Variants in LRIG1 observed in about 807,000 individuals in gnomAD.
The protein encoded by LRIG1 is leucine rich repeats and immunoglobulin like domains 1.
LRIG1 carries 48 observed loss-of-function variants against 99.2 expected under a neutral mutation model. The ratio of observed to expected loss-of-function variants is 0.48; its 90% CI spans 0.38 to 0.62. LRIG1 has a LOEUF of 0.62. Ranked by LOEUF, LRIG1 falls within the 20% of genes least tolerant of loss-of-function variation. LRIG1 has a pLI of 0.00. For synonymous variants in LRIG1, 772 were observed against 596.1 expected (o/e 1.29, Z -4.30); for missense variants, 1,646 against 1,434.4 (o/e 1.15, Z -2.38).
intron 3 of LRIG1, among the ~76,000 whole-genome samples, chr3:66,418,243 C>G (rs994245580): frequency 3.9e-5 from 6 of 152,144 alleles, no homozygotes; most frequent in Non-Finnish European, 8.8e-5. Flanking sequence ...AGGCACGTGC[C>G]ACCACACCCA....
In LRIG1 at chr3:66,379,826, C is replaced by G. The variant is rs185349549; in HGVS notation, c.*437G>C. 6.0e-6 allele frequency: 1 copy of G among 165,588 alleles called. No individual in the cohort carries two copies. The highest frequency in any genetic ancestry group is 1.3e-5 in the Non-Finnish European group (1 of 75,920). 10.3% of individuals were successfully genotyped at this position (165,588 alleles called of 1,614,324 possible). ...TCCAAGGCCTTCCATCCTTCCCACCCCGCACCAAAAACTCCTGTGAACAAA... is the reference window on the plus strand; with the variant it reads ...TCCAAGGCCTTCCATCCTTCCCACCGCGCACCAAAAACTCCTGTGAACAAA... On this transcript the variant is annotated 3_prime_UTR_variant, in exon 19 of 19. Coordinates refer to ENST00000273261, the MANE Select transcript of LRIG1 (RefSeq NM_015541.3).
Position 66,386,122 on chromosome 3 carries a change from C to A in LRIG1, c.1648G>T (p.Ala550Ser). Residue 550 changes from alanine (A) to serine (S), a missense_variant, in exon 13 of 19, where the codon GCG becomes TCG. By Grantham distance (99) the Ala-to-Ser change is moderately conservative (BLOSUM62 1). Transcript: ENST00000273261. ...ADMENFVHVH[A>S]QDGEVMEYTT... Reference sequence around the variant, plus strand: ...TACTCCATCACTTCCCCGTCCTGCGCGTGGACGTGGACAAAGTTCTCCATG... The same window carrying A: ...TACTCCATCACTTCCCCGTCCTGCGAGTGGACGTGGACAAAGTTCTCCATG... The A allele has an allele frequency of 6.2e-7, 1 of 1,614,078 alleles. No individual in the cohort carries two copies. Among genetic ancestry groups the A allele is most frequent in the Non-Finnish European group, 8.5e-7 (1 of 1,180,024 alleles).
At chr3:66,485,476 CT>C (rs1700951108) in intron 1 of LRIG1, among the ~76,000 whole-genome samples, 1 of 152,212 alleles carries the variant, frequency 6.6e-6, no homozygotes, top group Non-Finnish European at 1.5e-5. Flanking sequence ...TTACACAAGG[CT>C]GGACCATGAC....
At chr3:66,490,970 T>C (rs1213032769) in intron 1 of LRIG1, among the ~76,000 whole-genome samples, 1 of 152,196 alleles carries the variant, frequency 6.6e-6, no homozygotes, top group Non-Finnish European at 1.5e-5. Flanking sequence ...ACCAACAAAG[T>C]ACCGGACTGA....
rs544429353 is a variant in LRIG1, at chr3:66,407,240, A to G, written c.1079+108T>C. On this transcript the variant is annotated intron_variant, in intron 8 of 18. Coordinates refer to ENST00000273261, the MANE Select transcript of LRIG1 (RefSeq NM_015541.3). ...ATAGAGCAAGCCAGCTTTGGATCCA[A>G]TTCTGACTCGAAGCCAACGCAAATG... 1.9e-5 allele frequency: 23 copies of G among 1,222,062 alleles called. No individual in the cohort carries two copies. In the South Asian group the frequency reaches 2.5e-4, roughly 14 times the overall value. The allele number at this position is 1,222,062 out of a possible 1,614,324, so 75.7% of individuals were successfully genotyped here. A position where few individuals can be genotyped will look rare whatever the true frequency, so the allele number is the denominator to read the frequency against.
chr3:66,460,126 T>A (rs1575708075), intron 2 of LRIG1, among the ~76,000 whole-genome samples: 2 of 152,250 alleles, frequency 1.3e-5, no homozygotes, highest in African/African-American at 4.8e-5. Context: ...CCTATCTGTG[T>A]CCTGTTCACT....
intron 1 of LRIG1, among the ~76,000 whole-genome samples, chr3:66,472,565 G>A (rs1700627716): frequency 6.6e-6 from 1 of 152,130 alleles, no homozygotes; most frequent in South Asian, 2.1e-4. Flanking sequence ...TGCTATCAAA[G>A]AGCAAAATAC....
chr3:66,387,510 TTATA>T (rs1366730289), intron 12 of LRIG1: 2 of 152,148 alleles, frequency 1.3e-5, no homozygotes, highest in African/African-American at 4.8e-5. Context: ...GGGACGGACT[TTATA>T]TAGCCTTTGT....
chr3:66,431,975 C>T (rs1703187049), intron 3 of LRIG1, among the ~76,000 whole-genome samples: 2 of 152,194 alleles, frequency 1.3e-5, no homozygotes, highest in Non-Finnish European at 2.9e-5. Context: ...ATAATGGAAT[C>T]CCCACCCCAT....
intron 12 of LRIG1, among the ~76,000 whole-genome samples, chr3:66,389,092 G>A (rs888058227): frequency 2.0e-5 from 3 of 152,132 alleles, no homozygotes; most frequent in African/African-American, 7.2e-5. Flanking sequence ...TAACACAAAG[G>A]AATAAAACTG....
At chr3:66,498,415 A>G (rs1701276589) in intron 1 of LRIG1, among the ~76,000 whole-genome samples, 2 of 152,286 alleles carry the variant, frequency 1.3e-5, no homozygotes, top group East Asian at 1.9e-4. Flanking sequence ...GAAAGTGCAA[A>G]TAAGAGGACA....
chr3:66,412,949 T>G lies in LRIG1; in HGVS notation c.713A>C (p.Glu238Ala). 1 of 1,614,194 alleles carries G rather than the reference T, an allele frequency of 6.2e-7. No homozygotes were observed. The highest frequency in any genetic ancestry group is 8.5e-7 in the Non-Finnish European group (1 of 1,180,022). The part of the protein sequence containing the change: ...GLTFQGLNSL[E>A]VLKLQRNNIS... ...GTTGTTTCGCTGAAGCTTCAGCACC[T>G]CCAAGCTGTTGAGCCCCTGGAAGGT... The change falls in exon 6 of 19, where the codon GAG becomes GCG. Residue 238 changes from glutamate to alanine, a missense_variant. Coordinates refer to ENST00000273261, the MANE Select transcript of LRIG1 (RefSeq NM_015541.3).
chr3:66,483,495 G>A (rs1238762094), intron 1 of LRIG1, among the ~76,000 whole-genome samples: 4 of 152,224 alleles, frequency 2.6e-5, no homozygotes, highest in African/African-American at 9.7e-5. Context: ...GCTCCCTCTG[G>A]TCAAGGAAAG....
At chr3:66,448,460 G>A (rs554221773) in intron 3 of LRIG1, among the ~76,000 whole-genome samples, 1 of 152,350 alleles carries the variant, frequency 6.6e-6, no homozygotes, top group East Asian at 1.9e-4. Context: ...AGTGGTTATT[G>A]GTCAGAGGGT....
chr3:66,459,890 C>T (rs573075147), intron 2 of LRIG1, among the ~76,000 whole-genome samples: 2 of 152,204 alleles, frequency 1.3e-5, no homozygotes, highest in African/African-American at 2.4e-5. Context: ...GCAACAGCAC[C>T]GTGTGAAGCC....
chr3:66,477,580 C>T (rs1201756443), intron 1 of LRIG1, among the ~76,000 whole-genome samples: 6 of 152,164 alleles, frequency 3.9e-5, no homozygotes, highest in Admixed American at 3.9e-4. Flanking sequence ...GGACTTCAGA[C>T]CAAGATGTCT....
intron 6 of LRIG1, among the ~76,000 whole-genome samples, chr3:66,412,629 G>C (rs1027671355): frequency 2.0e-5 from 3 of 152,234 alleles, no homozygotes; most frequent in African/African-American, 7.2e-5. Context: ...AGGAGAGAGG[G>C]GCTGGGCACT....
intron 1 of LRIG1, among the ~76,000 whole-genome samples, chr3:66,468,619 T>C (rs1700528516): frequency 6.6e-6 from 1 of 152,190 alleles, no homozygotes; most frequent in South Asian, 2.1e-4. Flanking sequence ...TGAGCACCAG[T>C]GGGCACCCAG....
chr3:66,487,852 T>A (rs1433163178), intron 1 of LRIG1, among the ~76,000 whole-genome samples: 4 of 152,076 alleles, frequency 2.6e-5, no homozygotes, highest in African/African-American at 9.7e-5. Flanking sequence ...TAAAGTCTAG[T>A]TTTTTGGACA....
Sources: gnomAD v4.1 joint callset for allele counts (sites outside exome capture counted in the v4.1 genomes callset) on GRCh38, gnomAD v4.1.1 for gene constraint, MANE v1.5 for transcripts, NCBI Gene and HGNC (gene_info 2026-07-23, HGNC 2026-07-21) for gene names.